Variants in GTF3C3 observed in about 807,000 individuals in gnomAD.
GTF3C3 encodes general transcription factor IIIC subunit 3.
A neutral mutation model predicts 105.2 loss-of-function variants in GTF3C3; 75 were observed. The observed-to-expected ratio is 0.71, with a 90% CI of 0.59 to 0.86. The LOEUF (loss-of-function observed/expected upper bound fraction) is 0.86, where lower values mean the gene tolerates loss of function less well. Ranked by LOEUF, GTF3C3 falls within the 40% of genes least tolerant of loss-of-function variation. The pLI, the probability that GTF3C3 is intolerant of heterozygous loss-of-function variation, is 0.00. For missense variants in GTF3C3, 856 were observed against 1,076.5 expected, an observed-to-expected ratio of 0.80 and a Z score of 2.87; for synonymous variants, 335 against 370.4, an observed-to-expected ratio of 0.90 and a Z score of 1.10.
At chr2:196,785,962 A>G (rs559025168) in intron 6 of GTF3C3, among the ~76,000 whole-genome samples, 27 of 152,106 alleles carry the variant, frequency 1.8e-4, no homozygotes, top group Non-Finnish European at 3.7e-4. Context: ...CGTTATAGCT[A>G]TTCCTTTGCA....
chr2:196,774,875 TTTAC>T (rs1389542137), intron 13 of GTF3C3: 2 of 285,948 alleles, frequency 7.0e-6, no homozygotes, highest in African/African-American at 4.4e-5. Flanking sequence ...AAAGTTTTGT[TTTAC>T]TTCTTTCACA....
chr2:196,794,991 A>G (rs1196314493), intron 2 of GTF3C3, among the ~76,000 whole-genome samples: 1 of 152,012 alleles, frequency 6.6e-6, no homozygotes, highest in Non-Finnish European at 1.5e-5. Flanking sequence ...GGCCTCCCAA[A>G]GTACTGGGAT....
rs1699177844 is a variant in GTF3C3, at chr2:196,771,643, T to G, written c.2260+105A>C. On this transcript the variant is annotated intron_variant, in intron 15 of 17. Coordinates refer to ENST00000263956, the MANE Select transcript of GTF3C3 (RefSeq NM_012086.5). ...ACTGAGGCAGGAGGAGGTAGAATAA[T>G]TTGTCACAGTGAGGCTGATAATTAA... 5.5e-5 allele frequency: 38 copies of G among 690,782 alleles called. No individual in the cohort carries two copies. The South Asian group carries it at 7.2e-4, about 13-fold the overall frequency. 42.8% of individuals were successfully genotyped at this position (690,782 alleles called of 1,614,324 possible).
At chr2:196,765,171 T>G (rs1299185201) in intron 17 of GTF3C3, among the ~76,000 whole-genome samples, 1 of 151,950 alleles carries the variant, frequency 6.6e-6, no homozygotes, top group Non-Finnish European at 1.5e-5. Context: ...AAAGTGTAGG[T>G]TTAGGAGGGA....
chr2:196,783,207 C>T lies in GTF3C3; in HGVS notation c.1114+1650G>A, dbSNP rs973391599. 2.1e-5 allele frequency among the ~76,000 whole-genome samples: 3 copies of T among 140,256 alleles called. No homozygotes were observed. The Admixed American group carries it at 2.2e-4, about 10-fold the overall frequency. The allele number at this position is 140,256 out of a possible 152,430, so 92.0% of individuals were successfully genotyped here. On this transcript the variant is annotated intron_variant, in intron 8 of 17. Transcript: ENST00000263956. ...TTTACATGCTAAAAAATAAAGAAGC[C>T]ACTACTTAAACTCTAACCTGTTGTT...
intron 9 of GTF3C3, among the ~76,000 whole-genome samples, chr2:196,779,866 G>A (rs1699316980): frequency 6.6e-6 from 1 of 151,650 alleles, no homozygotes; most frequent in Non-Finnish European, 1.5e-5. Context: ...TTTTTTGTAG[G>A]CGTAGGGTTT....
chr2:196,776,552 A>G lies in GTF3C3; in HGVS notation c.1468T>C (p.Leu490=). The change falls in exon 11 of 18, where the codon TTG becomes CTG. Residue 490 remains leucine, a synonymous_variant. Coordinates refer to ENST00000263956, the MANE Select transcript of GTF3C3 (RefSeq NM_012086.5). This position sits in a 1 kb window ranked among gnomAD's most constrained non-coding sequence, Gnocchi z 4.5. Reference sequence around the variant, plus strand: ...GTAGAAAGTGAAATCCTTGCATCCAAATGGAGTGGGGCCAGATCAACCACC... The same window carrying G: ...GTAGAAAGTGAAATCCTTGCATCCAGATGGAGTGGGGCCAGATCAACCACC... ...GKVVDLAPLH[L]DARISLSTLQ... 4 of 1,614,162 alleles carry G rather than the reference A, an allele frequency of 2.5e-6. No individual in the cohort carries two copies. The highest frequency in any genetic ancestry group is 3.4e-6 in the Non-Finnish European group (4 of 1,180,002).
intron 6 of GTF3C3, among the ~76,000 whole-genome samples, chr2:196,787,670 T>G (rs1374825657): frequency 6.6e-6 from 1 of 152,178 alleles, no homozygotes; most frequent in East Asian, 1.9e-4. Flanking sequence ...CCCTTTTTCC[T>G]GCTTTGTTTT....
rs762386603 is a variant in GTF3C3 at position 196,763,112 on chromosome 2, TGAGA to T, written c.*1447_*1450del. The T allele has an allele frequency of 6.6e-6, 1 of 152,184 alleles. No homozygotes were observed. Among genetic ancestry groups the T allele is most frequent in the Non-Finnish European group, 1.5e-5 (1 of 68,032 alleles). The allele number at this position is 152,184 out of a possible 1,614,324, so 9.4% of individuals were successfully genotyped here. ...CAATAATAACTACCTTGCAGTTCCC[TGAGA>T]GAATCAGAGATAACATATCCAAAGT... On this transcript the variant is annotated 3_prime_UTR_variant, in exon 18 of 18. Transcript: ENST00000263956.
At position 196,763,130 on chromosome 2, in the gene GTF3C3, CAT is replaced by C. The variant is rs1003803518; in HGVS notation, c.*1431_*1432del. 2.0e-5 allele frequency: 3 copies of C among 152,148 alleles called. No individual in the cohort carries two copies. The highest frequency in any genetic ancestry group is 7.2e-5 in the African/African-American group (3 of 41,436). 9.4% of individuals were successfully genotyped at this position (152,148 alleles called of 1,614,324 possible). On this transcript the variant is annotated 3_prime_UTR_variant, in exon 18 of 18. Transcript: ENST00000263956. The stretch of plus-strand genomic sequence containing the variant: ...AGTTCCCTGAGAGAATCAGAGATAA[CAT>C]ATCCAAAGTGTTTAGCACCATACTT...
chr2:196,797,974 G>C, intron 1 of GTF3C3, 66 bp from the exon 2 acceptor site: 1 of 934,178 alleles, frequency 1.1e-6, no homozygotes, highest in Non-Finnish European at 1.8e-6. Context: ...CAGCCACAGA[G>C]TATCTGGTTC....
chr2:196,793,066 C>T lies in GTF3C3; in HGVS notation c.301G>A (p.Glu101Lys). The change falls in exon 3 of 18, where the codon GAA becomes AAA. Residue 101 changes from glutamate to lysine, a missense_variant. Physicochemically the swap from Glu to Lys is moderately conservative, Grantham distance 56. Around this residue, in one of 3 missense-constraint regions of GTF3C3, gnomAD observed 117 missense variants for 114.0 expected, o/e 1.03. Coordinates refer to ENST00000263956, the MANE Select transcript of GTF3C3 (RefSeq NM_012086.5). ...TCCTCCTCCTCCTCCTCCTCTTCTT[C>T]CTCTTCCTCCTCATCATCTTCATTC... ...GENEDDEEEE[E>K]EEEEEEEEEE... is the part of the protein sequence containing the mutation. The T allele has an allele frequency of 1.2e-6, 2 of 1,613,744 alleles. No individual in the cohort carries two copies. Among genetic ancestry groups the T allele is most frequent in the Non-Finnish European group, 1.7e-6 (2 of 1,179,676 alleles).
At position 196,776,474 on chromosome 2, in the gene GTF3C3, T is replaced by C. The variant is rs778314709; in HGVS notation, c.1546A>G (p.Met516Val). ...TGTGCTAAAGTATCTGGATCATACATTGGTTCCAGAGCTTCCAGAGCTTTC... is the reference window on the plus strand; with the variant it reads ...TGTGCTAAAGTATCTGGATCATACACTGGTTCCAGAGCTTCCAGAGCTTTC... ...PEKALEALEPMYDPDTLAQDA... is the reference protein window; with the variant it reads ...PEKALEALEPVYDPDTLAQDA... Residue 516 changes from methionine (M) to valine (V), a missense_variant, in exon 11 of 18, where the codon ATG (methionine) becomes GTG (valine). Physicochemically the swap from Met to Val is conservative, Grantham distance 21. Coordinates refer to ENST00000263956, the MANE Select transcript of GTF3C3 (RefSeq NM_012086.5). This position sits in a 1 kb window ranked among gnomAD's most constrained non-coding sequence, Gnocchi z 4.5. 2 of 1,614,168 alleles carry C rather than the reference T, an allele frequency of 1.2e-6. No individual in the cohort carries two copies. Among genetic ancestry groups the C allele is most frequent in the African/African-American group, 1.3e-5 (1 of 75,056 alleles).
At chr2:196,793,683 AGTGT>A (rs200014271) in intron 2 of GTF3C3, among the ~76,000 whole-genome samples, 1 of 151,904 alleles carries the variant, frequency 6.6e-6, no homozygotes, top group Non-Finnish European at 1.5e-5. Context: ...AATGAGTGTG[AGTGT>A]GTGTGTGTAT....
chr2:196,796,425 G>A (rs1460555142), intron 2 of GTF3C3, among the ~76,000 whole-genome samples: 1 of 152,124 alleles, frequency 6.6e-6, no homozygotes, highest in Non-Finnish European at 1.5e-5. Context: ...TTAAACACCT[G>A]AGGAAAAAAG....
At chr2:196,789,718 C>T (rs546472954) in intron 5 of GTF3C3, among the ~76,000 whole-genome samples, 161 bp downstream of exon 5, 1 of 152,100 alleles carries the variant, frequency 6.6e-6, no homozygotes, top group Non-Finnish European at 1.5e-5. Flanking sequence ...CCCTGATAAA[C>T]ATGAGAACAG....
intron 16 of GTF3C3, among the ~76,000 whole-genome samples, chr2:196,769,099 T>G (rs939313269): frequency 2.0e-5 from 3 of 152,132 alleles, no homozygotes; most frequent in Admixed American, 6.5e-5. Context: ...TTTTTCAGGA[T>G]TTTTAAAAAA....
rs1229112877 is a variant in GTF3C3 at position 196,763,844 on chromosome 2, G to GTA, written c.*717_*718dup. ...CAGCAGTATGTCCTTTATTCCATAC[G>GTA]TACTACTTGCCCAGTCTTATATTAC... On this transcript the variant is annotated 3_prime_UTR_variant, in exon 18 of 18. Transcript: ENST00000263956. The GTA allele has an allele frequency of 2.0e-5, 3 of 152,050 alleles. No homozygotes were observed. Among genetic ancestry groups the GTA allele is most frequent in the Non-Finnish European group, 4.4e-5 (3 of 68,000 alleles). The allele number at this position is 152,050 out of a possible 1,614,324, so 9.4% of individuals were successfully genotyped here.
At chr2:196,768,213 C>G (rs1330629573) in intron 16 of GTF3C3, among the ~76,000 whole-genome samples, 26 of 150,066 alleles carry the variant, frequency 1.7e-4, no homozygotes, top group Non-Finnish European at 1.5e-5. Flanking sequence ...GACCATGTTT[C>G]ACCATATTGG....
Sources: allele counts gnomAD v4.1 joint callset (sites outside exome capture counted in the v4.1 genomes callset), GRCh38; gene constraint gnomAD v4.1.1; regional missense constraint gnomAD v4.1.1; non-coding constraint Gnocchi (gnomAD v3.1); transcripts MANE v1.5; gene names NCBI Gene and HGNC (gene_info 2026-07-23, HGNC 2026-07-21).